CCNB2: variants seen among roughly 807,000 people sequenced by gnomAD.
The protein encoded by CCNB2 is cyclin B2, also known as G2/mitotic-specific cyclin-B2.
Under a neutral mutation model 51.1 loss-of-function variants are expected in CCNB2, and 39 were observed. The ratio of observed to expected loss-of-function variants is 0.76; its 90% confidence interval spans 0.59 to 1.00. CCNB2 has a LOEUF of 1.00. Ranked by LOEUF, CCNB2 falls within the 50% of genes least tolerant of loss-of-function variation. The probability of loss-of-function intolerance (pLI) is 0.00; values close to 1 mark genes in which losing one functional copy is unlikely to be tolerated. For missense variants in CCNB2, 472 were observed against 470.3 expected (o/e 1.00, Z -0.03); for synonymous variants, 174 against 165.5 (o/e 1.05, Z -0.40).
At chr15:59,110,981 A>T (rs1480672280) in intron 3 of CCNB2, among the ~76,000 whole-genome samples, 3 of 152,214 alleles carry the variant, frequency 2.0e-5, no homozygotes, top group African/African-American at 7.2e-5. Context: ...TGGAGGACAT[A>T]GGAGTAGAAG....
intron 1 of CCNB2, among the ~76,000 whole-genome samples, chr15:59,106,719 C>T (rs1180097389): frequency 6.6e-6 from 1 of 152,124 alleles, no homozygotes; most frequent in African/African-American, 2.4e-5. Flanking sequence ...TTCTAAATGT[C>T]CTTAATATAA....
At position 59,116,899 on chromosome 15, in the gene CCNB2, C is replaced by G. The variant is rs2079281386; in HGVS notation, c.807C>G (p.Phe269Leu). 6.2e-7 allele frequency: 1 copy of G among 1,614,064 alleles called. No homozygotes were observed. The highest frequency in any genetic ancestry group is 8.5e-7 in the Non-Finnish European group (1 of 1,179,940). Residue 269 changes from phenylalanine (F) to leucine (L), a missense_variant, in exon 6 of 9, where the codon TTC becomes TTG. Transcript: ENST00000288207. ...FELGRPLPLHFLRRASKAGEV... is the reference protein window; with the variant it reads ...FELGRPLPLHLLRRASKAGEV... Reference sequence around the variant, plus strand: ...TGGGTCGACCCTTGCCACTACACTTCTTAAGGCGAGCATCAAAAGCCGGGG... The same window carrying G: ...TGGGTCGACCCTTGCCACTACACTTGTTAAGGCGAGCATCAAAAGCCGGGG...
In CCNB2 at chr15:59,124,875, T is replaced by G; in HGVS notation, c.1195T>G (p.Ter399GluextTer19). 6.4e-7 allele frequency: 1 copy of G among 1,563,548 alleles called. No individual in the cohort carries two copies. The change falls in exon 9 of 9, where the codon TAG (stop) becomes GAG (glutamate). Residue 399 changes from the stop codon to glutamate, a stop_lost. Transcript: ENST00000288207. ...TGCCTCCCCACTGATAGGAAGGTCC[T>G]AGGCTGCCGTGGCCCCTGGGGATGT... ...DLASPLIGRS[*>E]
In CCNB2 at chr15:59,112,739, G is replaced by T. The variant is rs111875989; in HGVS notation, c.268-1705G>T. On this transcript the variant is annotated intron_variant, in intron 3 of 8. Transcript: ENST00000288207. ...TTACTTGGAGAAGTACTTTTTTTTT[G>T]AAAGCATTGATTTGGCTGGGTGCAG... Among the ~76,000 whole-genome samples the T allele has an allele frequency of 8.1e-3, 1,219 of 149,762 alleles. 18 individuals carry two copies. Among genetic ancestry groups the T allele is most frequent in the African/African-American group, 0.028 (1,161 of 40,942 alleles).
intron 8 of CCNB2, 135 bp from the exon 9 acceptor site, chr15:59,124,632 A>G (rs771048345): frequency 2.9e-6 from 2 of 695,098 alleles, no homozygotes; most frequent in Non-Finnish European, 5.1e-6. Flanking sequence ...CAGAGCTTTC[A>G]CTGGCTTCAG....
At position 59,109,246 on chromosome 15, in the gene CCNB2, C is replaced by G. The variant is rs540266817; in HGVS notation, c.267+1576C>G. On this transcript the variant is annotated intron_variant, in intron 3 of 8. Coordinates refer to ENST00000288207, the MANE Select transcript of CCNB2 (RefSeq NM_004701.4). ...TCACTATGTTGGCCTGGCTGGTCTC[C>G]AACTCTTGACCTCAGGTGATCCACC... 3.3e-5 allele frequency among the ~76,000 whole-genome samples: 5 copies of G among 152,180 alleles called. No individual in the cohort carries two copies. In the South Asian group the frequency reaches 6.2e-4, roughly 19 times the overall value.
chr15:59,114,948 C>G, intron 5 of CCNB2, 72 bp downstream of exon 5: 1 of 1,440,854 alleles, frequency 6.9e-7, no homozygotes, highest in Non-Finnish European at 9.4e-7. Context: ...GGATAGAAAA[C>G]TAAAGTGGGT....
intron 3 of CCNB2, among the ~76,000 whole-genome samples, chr15:59,112,831 G>A (rs1365980064): frequency 2.0e-5 from 3 of 151,278 alleles, no homozygotes; most frequent in East Asian, 2.0e-4. Flanking sequence ...TCAGGAGATC[G>A]AGACCATCCT....
At chr15:59,110,807 C>T (rs1411989795) in intron 3 of CCNB2, among the ~76,000 whole-genome samples, 1 of 152,160 alleles carries the variant, frequency 6.6e-6, no homozygotes, top group African/African-American at 2.4e-5. Flanking sequence ...TATTATCCTG[C>T]AGGTTTTGGA....
Position 59,114,578 on chromosome 15 carries a change from C to T in CCNB2, c.402C>T (p.Tyr134=), listed in dbSNP as rs146057559. 1,210 of 1,606,786 alleles carry T rather than the reference C, an allele frequency of 7.5e-4. No individual in the cohort carries two copies. The highest frequency in any genetic ancestry group is 9.0e-4 in the Non-Finnish European group (1,063 of 1,176,010). ...DWENPQLCSD[Y]VKDIYQYLRQ... ...AGAACCCTCAGCTCTGCAGTGACTA[C>T]GTTAAGGATATCTATCAGTATCTCA... is the stretch of plus-strand genomic sequence containing the variant. The change falls in exon 4 of 9, where the codon TAC becomes TAT. Residue 134 remains tyrosine, a synonymous_variant. Transcript: ENST00000288207.
chr15:59,110,549 A>G (rs1391327969), intron 3 of CCNB2, among the ~76,000 whole-genome samples: 3 of 152,200 alleles, frequency 2.0e-5, no homozygotes, highest in South Asian at 2.1e-4. Context: ...TTTAGAGCCA[A>G]TCCCTGGAGG....
At chr15:59,112,067 G>A (rs1276663235) in intron 3 of CCNB2, among the ~76,000 whole-genome samples, 23 of 151,926 alleles carry the variant, frequency 1.5e-4, no homozygotes, top group African/African-American at 5.6e-4. Context: ...TCCCAAGCTG[G>A]CCTCAAACTC....
chr15:59,117,272 G>T lies in CCNB2; in HGVS notation c.879G>T (p.Leu293=). The T allele has an allele frequency of 6.2e-7, 1 of 1,613,438 alleles. No homozygotes were observed. Among genetic ancestry groups the T allele is most frequent in the South Asian group, 1.1e-5 (1 of 91,026 alleles). Residue 293 remains leucine, a synonymous_variant, in exon 7 of 9, where the codon CTG becomes CTT. Transcript: ENST00000288207. The part of the protein sequence containing the change: ...QHTLAKYLME[L]TLIDYDMVHY... ...CTTTAGCCAAGTATTTGATGGAGCT[G>T]ACTCTCATCGACTATGATATGGTGC...
chr15:59,108,450 A>G (rs1465783833), intron 3 of CCNB2, among the ~76,000 whole-genome samples: 1 of 152,222 alleles, frequency 6.6e-6, no homozygotes, highest in Non-Finnish European at 1.5e-5. Context: ...GTCTGGAGCT[A>G]GCCCAGATCT....
intron 7 of CCNB2, among the ~76,000 whole-genome samples, chr15:59,122,239 A>ATCTTTTTTTT (rs2079305514): frequency 1.0e-5 from 1 of 97,442 alleles, no homozygotes; most frequent in African/African-American, 4.0e-5. Flanking sequence ...CAGTTGACAT[A>ATCTTTTTTTT]TCTTTTTTTT....
rs1370863888 is a variant in CCNB2, at chr15:59,105,305, G to C, written c.24+13G>C. The stretch of plus-strand genomic sequence containing the variant: ...CCGACGCCCGACGGTGAGTGTGCCC[G>C]GGGACCGCTCTCAGAGGCGAGTCCG... On this transcript the variant is annotated intron_variant, in intron 1 of 8. Transcript: ENST00000288207. The C allele has an allele frequency of 5.1e-6, 8 of 1,557,626 alleles. No homozygotes were observed. The highest frequency in any genetic ancestry group is 1.7e-4 in the Middle Eastern group (1 of 6,010).
chr15:59,115,074 T>C (rs2079273663), intron 5 of CCNB2, among the ~76,000 whole-genome samples, 198 bp downstream of exon 5: 1 of 152,166 alleles, frequency 6.6e-6, no homozygotes, highest in Non-Finnish European at 1.5e-5. Context: ...ATAATGGGCA[T>C]TTCTGTAAGG....
At chr15:59,116,478 A>G (rs1258544702) in intron 5 of CCNB2, among the ~76,000 whole-genome samples, 1 of 131,246 alleles carries the variant, frequency 7.6e-6, no homozygotes. Flanking sequence ...ATTGGGTGAG[A>G]TAATATGTTA....
In CCNB2 at chr15:59,124,815, A is replaced by G. The variant is rs376467552; in HGVS notation, c.1135A>G (p.Ile379Val). The G allele has an allele frequency of 1.2e-6, 2 of 1,612,522 alleles. No individual in the cohort carries two copies. Among genetic ancestry groups the G allele is most frequent in the Admixed American group, 1.7e-5 (1 of 59,818 alleles). ...CAGCAAACTCCTGAAGATCAGCATG[A>G]TCCCTCAGCTGAACTCAAAAGCCGT... is the stretch of plus-strand genomic sequence containing the variant. ...ASSKLLKISM[I>V]PQLNSKAVKD... Residue 379 changes from isoleucine (I) to valine (V), a missense_variant, in exon 9 of 9, where the codon ATC becomes GTC. Physicochemically the swap from Ile to Val is conservative, Grantham distance 29. Coordinates refer to ENST00000288207, the MANE Select transcript of CCNB2 (RefSeq NM_004701.4).
Sources: gnomAD v4.1 joint callset for allele counts (sites outside exome capture counted in the v4.1 genomes callset) on GRCh38, gnomAD v4.1.1 for gene constraint, MANE v1.5 for transcripts, NCBI Gene and HGNC (gene_info 2026-07-23, HGNC 2026-07-21) for gene names.